NECTIN3: variants seen among roughly 807,000 people sequenced by gnomAD.
NECTIN3 encodes nectin-3.
A neutral mutation model predicts 49.4 loss-of-function variants in NECTIN3; 8 were observed. The ratio of observed to expected loss-of-function variants is 0.16; its 90% CI spans 0.10 to 0.29. The LOEUF is 0.29. Among genes scored for constraint, NECTIN3 ranks in the 10% least tolerant of loss-of-function variants. The pLI is 1.00. For synonymous variants in NECTIN3, 277 were observed against 241.1 expected (o/e 1.15, Z -1.38); for missense variants, 581 against 654.6 (o/e 0.89, Z 1.23).
intron 7 of NECTIN3, among the ~76,000 whole-genome samples, chr3:111,168,945 C>A (rs889407281): frequency 1.4e-4 from 21 of 152,026 alleles, no homozygotes; most frequent in African/African-American, 4.8e-4. Flanking sequence ...CCCTATATTA[C>A]CTTGTACTGG....
At chr3:111,157,834 T>C (rs1223029234) in intron 7 of NECTIN3, among the ~76,000 whole-genome samples, 6 of 152,068 alleles carry the variant, frequency 3.9e-5, no homozygotes, top group Non-Finnish European at 8.8e-5. Flanking sequence ...AAAAGTAACA[T>C]TGGTATTACT....
intron 7 of NECTIN3, among the ~76,000 whole-genome samples, chr3:111,171,403 C>T (rs2035429997): frequency 6.6e-6 from 1 of 152,172 alleles, no homozygotes; most frequent in African/African-American, 2.4e-5. Context: ...TCTCCATAGT[C>T]CTGAGGGACT....
At chr3:111,138,339 A>T (rs897306754), downstream of NECTIN3, among the ~76,000 whole-genome samples, 68 of 151,726 alleles carry the variant, frequency 4.5e-4, no homozygotes, top group African/African-American at 1.6e-3. Context: ...AATAAAAAAA[A>T]TTCATGCATG....
chr3:111,132,694 A>G (rs4682234), intron 5 of NECTIN3, among the ~76,000 whole-genome samples: 44,542 of 151,758 alleles, frequency 0.29, 12,198 homozygotes, highest in African/African-American at 0.7. Flanking sequence ...CAATACACAG[A>G]TTCCTTTGCA....
At chr3:111,089,657 GATT>G (rs1343097114) in intron 1 of NECTIN3, among the ~76,000 whole-genome samples, 1 of 151,926 alleles carries the variant, frequency 6.6e-6, no homozygotes, top group Non-Finnish European at 1.5e-5. Flanking sequence ...TTCTCTGTAG[GATT>G]TCAGTCTTTG....
intron 6 of NECTIN3, among the ~76,000 whole-genome samples, chr3:111,146,699 AC>A (rs1291383252): frequency 2.6e-5 from 4 of 152,154 alleles, no homozygotes; most frequent in Admixed American, 2.0e-4. Context: ...TTTTCTAAGC[AC>A]AAGTACTGAA....
At chr3:111,107,387 A>T (rs1194881194) in intron 1 of NECTIN3, among the ~76,000 whole-genome samples, 2 of 152,128 alleles carry the variant, frequency 1.3e-5, no homozygotes, top group Non-Finnish European at 2.9e-5. Context: ...TTAATTAGCT[A>T]ATGATACAAA....
At chr3:111,129,054 C>G (rs904819715) in intron 5 of NECTIN3, among the ~76,000 whole-genome samples, 1 of 152,190 alleles carries the variant, frequency 6.6e-6, no homozygotes, top group Non-Finnish European at 1.5e-5. Flanking sequence ...GGCTGAGTCA[C>G]TACTGGACTC....
chr3:111,151,757 TA>T (rs1185292944), intron 7 of NECTIN3, among the ~76,000 whole-genome samples: 1 of 151,950 alleles, frequency 6.6e-6, no homozygotes, highest in African/African-American at 2.4e-5. Flanking sequence ...TAAATGTTTG[TA>T]AATATTCATG....
At position 111,118,881 on chromosome 3, in the gene NECTIN3, G is replaced by T. The variant is rs368391163; in HGVS notation, c.728G>T (p.Arg243Leu). 1.2e-6 allele frequency: 2 copies of T among 1,614,108 alleles called. No homozygotes were observed. The highest frequency in any genetic ancestry group is 1.7e-6 in the Non-Finnish European group (2 of 1,180,012). The stretch of plus-strand genomic sequence containing the variant: ...CCAACCAGATTTGCTAGAGGAAGGC[G>T]AATTACTTGTGTTGTAAAACATCCA... Reference protein sequence around the residue: ...LFPTRFARGRRITCVVKHPAL... With the variant: ...LFPTRFARGRLITCVVKHPAL... The change falls in exon 3 of 6, where the codon CGA (arginine) becomes CTA (leucine). Residue 243 changes from arginine to leucine, a missense_variant. Coordinates refer to ENST00000485303, the MANE Select transcript of NECTIN3 (RefSeq NM_015480.3).
intron 7 of NECTIN3, among the ~76,000 whole-genome samples, chr3:111,166,814 G>T (rs2035327109): frequency 6.6e-6 from 1 of 152,126 alleles, no homozygotes; most frequent in African/African-American, 2.4e-5. Flanking sequence ...TTTCTGTTTA[G>T]AATTTTTATC....
chr3:111,191,916 C>T (rs954892249), upstream of NECTIN3, among the ~76,000 whole-genome samples: 3 of 152,196 alleles, frequency 2.0e-5, no homozygotes, highest in Non-Finnish European at 2.9e-5. Flanking sequence ...ACTGTGACCT[C>T]TGCTTCCCCA....
chr3:111,119,513 G>A (rs1447296608), intron 3 of NECTIN3, among the ~76,000 whole-genome samples: 1 of 152,186 alleles, frequency 6.6e-6, no homozygotes, highest in Non-Finnish European at 1.5e-5. Flanking sequence ...TGTATTTTTA[G>A]TACAGATGGG....
chr3:111,170,518 G>A (rs2035415406), intron 7 of NECTIN3, among the ~76,000 whole-genome samples: 2 of 152,150 alleles, frequency 1.3e-5, no homozygotes, highest in South Asian at 4.1e-4. Flanking sequence ...ATAGAAATAG[G>A]TATAGGGAGT....
chr3:111,078,155 A>C (rs543689975), intron 1 of NECTIN3, among the ~76,000 whole-genome samples: 2 of 152,272 alleles, frequency 1.3e-5, no homozygotes, highest in South Asian at 4.1e-4. Context: ...GGTGGCTACC[A>C]GTTTGGATAG....
intron 7 of NECTIN3, among the ~76,000 whole-genome samples, chr3:111,175,682 T>C (rs976644184): frequency 5.3e-5 from 8 of 152,112 alleles, no homozygotes; most frequent in Admixed American, 3.9e-4. Flanking sequence ...AAACTAGATA[T>C]TGCAAACATG....
chr3:111,162,888 A>G (rs539391747), intron 7 of NECTIN3, among the ~76,000 whole-genome samples: 1 of 152,316 alleles, frequency 6.6e-6, no homozygotes, highest in East Asian at 1.9e-4. Flanking sequence ...AGGTTTTGTT[A>G]TAACAGCACT....
chr3:111,102,236 A>G (rs890395428), intron 1 of NECTIN3, among the ~76,000 whole-genome samples: 2 of 152,176 alleles, frequency 1.3e-5, no homozygotes, highest in African/African-American at 4.8e-5. Context: ...GTGATGAAAC[A>G]TTTTATAAAC....
At chr3:111,145,946 AT>A (rs2034863079) in intron 6 of NECTIN3, among the ~76,000 whole-genome samples, 2 of 152,180 alleles carry the variant, frequency 1.3e-5, no homozygotes, top group Admixed American at 1.3e-4. Context: ...TCATGATCAA[AT>A]TAGTACTATG....
Sources: gnomAD v4.1 joint callset for allele counts (sites outside exome capture counted in the v4.1 genomes callset) on GRCh38, gnomAD v4.1.1 for gene constraint, MANE v1.5 for transcripts, NCBI Gene and HGNC (gene_info 2026-07-23, HGNC 2026-07-21) for gene names.